MRPL42: variants seen among roughly 807,000 people sequenced by gnomAD.
MRPL42 encodes mitochondrial ribosomal protein L42, also known as large ribosomal subunit protein mL42.
In MRPL42, 17 loss-of-function variants were observed where a neutral mutation model predicts 17.9. The observed-to-expected ratio is 0.95, with a 90% confidence interval of 0.65 to 1.42. MRPL42 has a LOEUF of 1.42. MRPL42 is among the 40% of genes most tolerant of loss of function. The pLI, the probability that MRPL42 is intolerant of heterozygous loss-of-function variation, is 0.00. For missense variants in MRPL42, 177 were observed against 175.2 expected, an observed-to-expected ratio of 1.01 and a Z score of -0.06; for synonymous variants, 59 against 54.4, an observed-to-expected ratio of 1.08 and a Z score of -0.37.
intron 2 of MRPL42, among the ~76,000 whole-genome samples, chr12:93,471,391 C>T (rs995097055): frequency 1.3e-5 from 2 of 152,008 alleles, no homozygotes; most frequent in Admixed American, 6.6e-5. Flanking sequence ...CTCGAACTCC[C>T]AACCTTAAAT....
chr12:93,479,394 A>G lies in MRPL42; in HGVS notation c.141A>G (p.Val47=). ...SPLPDDYNCN[V]ELALTSDGRT... ...AAAACATTCTTTTTTTTAGCAACGTAGAGCTTGCTCTGACTTCTGATGGCA... is the reference window on the plus strand; with the variant it reads ...AAAACATTCTTTTTTTTAGCAACGTGGAGCTTGCTCTGACTTCTGATGGCA... Residue 47 remains valine, a synonymous_variant, in exon 4 of 6, where the codon GTA becomes GTG. Transcript: ENST00000549982. The G allele has an allele frequency of 6.2e-7, 1 of 1,607,128 alleles. No homozygotes were observed. The highest frequency in any genetic ancestry group is 8.5e-7 in the Non-Finnish European group (1 of 1,176,088).
rs775828244 is a variant in MRPL42, at chr12:93,478,933, TATTTA to T, written c.135-454_135-450del. Among the ~76,000 whole-genome samples the T allele has an allele frequency of 9.8e-4, 147 of 149,678 alleles. 8 individuals are homozygous for T. The highest frequency in any genetic ancestry group is 1.3e-3 in the Admixed American group (19 of 15,024). On this transcript the variant is annotated intron_variant, in intron 3 of 5. Transcript: ENST00000549982. Reference sequence around the variant, plus strand: ...GCTTTTATTTATTTATTTATTTATTTATTTATTTATTTTTTTGAGATGGAGTCTCA... The same window carrying T: ...GCTTTTATTTATTTATTTATTTATTTTTTATTTTTTTGAGATGGAGTCTCA...
chr12:93,483,606 G>T (rs776359948), intron 4 of MRPL42, among the ~76,000 whole-genome samples: 1 of 152,162 alleles, frequency 6.6e-6, no homozygotes, highest in Non-Finnish European at 1.5e-5. Context: ...CAAAAATGGA[G>T]CTTATAGGAC....
In MRPL42 at chr12:93,505,553, A is replaced by C. The variant is rs144107517; in HGVS notation, c.*4332A>C. ...ATAGTCTTCCCAAAATAATTTTCAA[A>C]CATTCTAACACCAAAGAAAGATACT... On this transcript the variant is annotated 3_prime_UTR_variant, in exon 6 of 6. Transcript: ENST00000549982. 5.3e-4 allele frequency: 80 copies of C among 152,290 alleles called. No individual in the cohort carries two copies. The highest frequency in any genetic ancestry group is 1.7e-3 in the African/African-American group (72 of 41,552). The allele number at this position is 152,290 out of a possible 1,614,324, so 9.4% of individuals were successfully genotyped here.
At chr12:93,496,906 A>T (rs1219950352) in intron 5 of MRPL42, among the ~76,000 whole-genome samples, 1 of 152,072 alleles carries the variant, frequency 6.6e-6, no homozygotes, top group African/African-American at 2.4e-5. Flanking sequence ...TCCGTCTCCC[A>T]GGTACAAGTG....
In MRPL42 at chr12:93,511,099, T is replaced by G. The variant is rs186322935; in HGVS notation, c.*9878T>G. ...TTCTGAATAAATGAAAACCAATAGA[T>G]TGTTCTAGTTTTACTCATAAATATA... On this transcript the variant is annotated 3_prime_UTR_variant, in exon 6 of 6. Transcript: ENST00000549982. 34 of 152,342 alleles carry G rather than the reference T, an allele frequency of 2.2e-4. No homozygotes were observed. The highest frequency in any genetic ancestry group is 7.9e-4 in the African/African-American group (33 of 41,586). 9.4% of individuals were successfully genotyped at this position (152,342 alleles called of 1,614,324 possible). A position where few individuals can be genotyped will look rare whatever the true frequency, so the allele number is the denominator to read the frequency against.
chr12:93,500,565 A>G (rs1280546612), intron 5 of MRPL42, among the ~76,000 whole-genome samples: 1 of 152,068 alleles, frequency 6.6e-6, no homozygotes, highest in African/African-American at 2.4e-5. Flanking sequence ...ATTTATAGAG[A>G]CCTCCATTTA....
intron 1 of MRPL42, among the ~76,000 whole-genome samples, chr12:93,468,583 T>C (rs1192738123): frequency 6.6e-6 from 1 of 152,172 alleles, no homozygotes; most frequent in Non-Finnish European, 1.5e-5. Context: ...GAGAGCAAAA[T>C]GAAATGGTGG....
In MRPL42 at chr12:93,469,371, T is replaced by G; in HGVS notation, c.70+16T>G. The G allele has an allele frequency of 6.4e-7, 1 of 1,574,732 alleles. No individual in the cohort carries two copies. Among genetic ancestry groups the G allele is most frequent in the African/African-American group, 1.4e-5 (1 of 72,884 alleles). ...CCAGTCCAAAGTAAGTGAAATTTTT[T>G]TTAATGTTTAAAAACTTTTAAACTT... On this transcript the variant is annotated intron_variant, in intron 2 of 5. Coordinates refer to ENST00000549982, the MANE Select transcript of MRPL42 (RefSeq NM_014050.4).
rs1953654288 is a variant in MRPL42 at position 93,505,078 on chromosome 12, G to A, written c.*3857G>A. The A allele has an allele frequency of 6.6e-6, 1 of 152,158 alleles. No individual in the cohort carries two copies. Among genetic ancestry groups the A allele is most frequent in the Non-Finnish European group, 1.5e-5 (1 of 68,026 alleles). 9.4% of individuals were successfully genotyped at this position (152,158 alleles called of 1,614,324 possible). ...ATTGTGTAGAATTTTGAGAATATGT[G>A]TTTTCCTGGGGATAGAGTATGTAGT... On this transcript the variant is annotated 3_prime_UTR_variant, in exon 6 of 6. Transcript: ENST00000549982.
At chr12:93,498,186 T>A (rs1342077333) in intron 5 of MRPL42, among the ~76,000 whole-genome samples, 3 of 1,884 alleles carry the variant, frequency 1.6e-3, no homozygotes, top group Admixed American at 5.1e-3. Context: ...TCTTGTTTTG[T>A]GTACTACAGA....
chr12:93,491,474 TAAAACTTAG>T (rs1343937589), intron 5 of MRPL42, among the ~76,000 whole-genome samples: 1 of 152,236 alleles, frequency 6.6e-6, no homozygotes, highest in African/African-American at 2.4e-5. Flanking sequence ...TATTAAGGTA[TAAAACTTAG>T]AGACCAAAGT....
At chr12:93,469,105 G>A (rs1370582499) in intron 1 of MRPL42, 87 bp from the exon 2 acceptor site, 3 of 513,190 alleles carry the variant, frequency 5.8e-6, no homozygotes, top group African/African-American at 2.0e-5. Context: ...TGACTTCTAG[G>A]CAGTGATTCT....
intron 5 of MRPL42, among the ~76,000 whole-genome samples, chr12:93,499,492 A>C (rs958243284): frequency 6.6e-6 from 1 of 152,114 alleles, no homozygotes; most frequent in East Asian, 1.9e-4. Flanking sequence ...TGACTTCCCA[A>C]ACTCCTTCTA....
Position 93,507,209 on chromosome 12 carries a change from C to T in MRPL42, c.*5988C>T, listed in dbSNP as rs1012735684. On this transcript the variant is annotated 3_prime_UTR_variant, in exon 6 of 6. Coordinates refer to ENST00000549982, the MANE Select transcript of MRPL42 (RefSeq NM_014050.4). ...TCTTACAAGTTGTTGTGCACTGACTCCATCATTCCACTGGATGTGCCCCTG... is the reference window on the plus strand; with the variant it reads ...TCTTACAAGTTGTTGTGCACTGACTTCATCATTCCACTGGATGTGCCCCTG... The T allele has an allele frequency of 2.6e-5, 4 of 152,198 alleles. No individual in the cohort carries two copies. The highest frequency in any genetic ancestry group is 4.8e-5 in the African/African-American group (2 of 41,438). The allele number at this position is 152,198 out of a possible 1,614,324, so 9.4% of individuals were successfully genotyped here.
intron 4 of MRPL42, 116 bp from the exon 5 acceptor site, chr12:93,487,381 C>T (rs1489986338): frequency 2.4e-6 from 2 of 840,636 alleles, no homozygotes; most frequent in Non-Finnish European, 3.5e-6. Context: ...CTTATTTGCC[C>T]ACCCTAAAGT....
chr12:93,506,260 CTTTT>C lies in MRPL42; in HGVS notation c.*5058_*5061del, dbSNP rs58440444. The C allele has an allele frequency of 1.1e-3, 100 of 87,852 alleles. No individual in the cohort carries two copies. Among genetic ancestry groups the C allele is most frequent in the African/African-American group, 1.2e-3 (22 of 17,700 alleles). The allele number at this position is 87,852 out of a possible 1,614,324, so 5.4% of individuals were successfully genotyped here. On this transcript the variant is annotated 3_prime_UTR_variant, in exon 6 of 6. Transcript: ENST00000549982. Reference sequence around the variant, plus strand: ...AGTCTTCAATTCAGCAAGAATGTCTCTTTTTTTTTTTTTTTTTTTTTTGGGACAG... The same window carrying C: ...AGTCTTCAATTCAGCAAGAATGTCTCTTTTTTTTTTTTTTTTTTGGGACAG...
intron 5 of MRPL42, among the ~76,000 whole-genome samples, chr12:93,495,918 G>T (rs1398183751): frequency 6.6e-6 from 1 of 152,150 alleles, no homozygotes; most frequent in Non-Finnish European, 1.5e-5. Context: ...TTTCAAAGAG[G>T]AACTGAACAC....
chr12:93,487,330 GACTAATGAATA>G (rs939327396), intron 4 of MRPL42, among the ~76,000 whole-genome samples, 156 bp from the exon 5 acceptor site: 13 of 106,264 alleles, frequency 1.2e-4, no homozygotes, highest in Non-Finnish European at 2.6e-4. Flanking sequence ...AAATATTTCT[GACTAATGAATA>G]ATGCACTAAG....
Sources: allele counts gnomAD v4.1 joint callset (sites outside exome capture counted in the v4.1 genomes callset), GRCh38; gene constraint gnomAD v4.1.1; transcripts MANE v1.5; gene names NCBI Gene and HGNC (gene_info 2026-07-23, HGNC 2026-07-21).